ARAP2: variants seen among roughly 807,000 people sequenced by gnomAD.
ARAP2 encodes the protein ArfGAP with RhoGAP domain, ankyrin repeat and PH domain 2.
ARAP2 carries 148 observed loss-of-function variants against 194.5 expected under a neutral mutation model. The ratio of observed to expected loss-of-function variants is 0.76; its 90% CI spans 0.67 to 0.87. The LOEUF (loss-of-function observed/expected upper bound fraction) is 0.87. ARAP2 is among the 40% of genes least tolerant of loss of function. ARAP2 has a pLI of 0.00. For synonymous variants in ARAP2, 695 were observed against 683.5 expected (o/e 1.02, Z -0.26); for missense variants, 2,128 against 1,989.7 (o/e 1.07, Z -1.32).
intron 24 of ARAP2, among the ~76,000 whole-genome samples, chr4:36,117,350 C>A (rs1185647184): frequency 2.6e-5 from 4 of 151,648 alleles, no homozygotes; most frequent in Non-Finnish European, 1.5e-5. Context: ...CAACAACAAC[C>A]ACAATGATTT....
At chr4:36,144,100 A>G (rs950275303) in intron 19 of ARAP2, among the ~76,000 whole-genome samples, 1 of 151,852 alleles carries the variant, frequency 6.6e-6, no homozygotes, top group Non-Finnish European at 1.5e-5. Context: ...GAATCATTCT[A>G]ATCCATGTTT....
chr4:36,203,698 C>A (rs1004902005), intron 6 of ARAP2, among the ~76,000 whole-genome samples: 3 of 152,008 alleles, frequency 2.0e-5, no homozygotes, highest in African/African-American at 7.2e-5. Flanking sequence ...TATGGAAATA[C>A]ATTACTAAAA....
intron 5 of ARAP2, among the ~76,000 whole-genome samples, chr4:36,036,279 T>C (rs1231129246): frequency 6.6e-6 from 1 of 152,166 alleles, no homozygotes; most frequent in Admixed American, 6.6e-5. Context: ...CCGGCATGTT[T>C]ACTAGTTTAA....
chr4:36,074,786 G>A (rs759686405), intron 31 of ARAP2, among the ~76,000 whole-genome samples: 27 of 151,988 alleles, frequency 1.8e-4, no homozygotes, highest in Admixed American at 7.2e-4. Flanking sequence ...TTATTTTAAT[G>A]TGTTGCTTTA....
intron 7 of ARAP2, among the ~76,000 whole-genome samples, chr4:36,192,168 G>GTTTTTTTTT (rs569144058): frequency 2.0e-5 from 2 of 100,724 alleles, no homozygotes; most frequent in African/African-American, 4.1e-5. Context: ...CAGTGTTTCT[G>GTTTTTTTTT]TTTTTTTTTT....
intron 27 of ARAP2, 111 bp from the exon 28 acceptor site, chr4:36,092,131 C>T: frequency 1.6e-6 from 2 of 1,239,132 alleles, no homozygotes; most frequent in Non-Finnish European, 2.2e-6. Flanking sequence ...TTGTTTACTA[C>T]CGCTAAAGTC....
chr4:36,078,072 A>G (rs1339811707), intron 31 of ARAP2, among the ~76,000 whole-genome samples: 1 of 152,136 alleles, frequency 6.6e-6, no homozygotes, highest in Admixed American at 6.6e-5. Context: ...ATGGATATCC[A>G]TTTGAAATTT....
intron 1 of ARAP2, among the ~76,000 whole-genome samples, chr4:36,058,645 T>C (rs921659737): frequency 6.6e-6 from 1 of 152,200 alleles, no homozygotes; most frequent in Non-Finnish European, 1.5e-5. Flanking sequence ...TCATTGTTCT[T>C]CTTCAAGCTA....
In ARAP2 at chr4:36,148,391, T is replaced by C; in HGVS notation, c.3000+14A>G. ...CTTCTCTGGATTTAGAGCAGTAACA[T>C]AATATTTAAATACCTTGGCTATTGC... On this transcript the variant is annotated intron_variant, in intron 17 of 32. Transcript: ENST00000303965. 6.3e-7 allele frequency: 1 copy of C among 1,597,028 alleles called. No individual in the cohort carries two copies. The highest frequency in any genetic ancestry group is 8.6e-7 in the Non-Finnish European group (1 of 1,166,152).
chr4:36,147,130 G>C (rs1242804367), intron 19 of ARAP2, among the ~76,000 whole-genome samples, 166 bp downstream of exon 19: 4 of 151,926 alleles, frequency 2.6e-5, no homozygotes, highest in Non-Finnish European at 4.4e-5. Flanking sequence ...CATTGGTATA[G>C]TCTTTCCAAA....
rs1289299875 is a variant in ARAP2 at position 36,067,562 on chromosome 4, A to G, written c.*345T>C. ...AGTTTCTTAGGCTTCATTTAAACAC[A>G]GCATTTTATACAATACAGTACAGTT... is the stretch of plus-strand genomic sequence containing the variant. On this transcript the variant is annotated 3_prime_UTR_variant, in exon 33 of 33. Transcript: ENST00000303965. The G allele has an allele frequency of 6.0e-6, 1 of 166,642 alleles. No homozygotes were observed. Among genetic ancestry groups the G allele is most frequent in the Non-Finnish European group, 1.3e-5 (1 of 78,016 alleles). The allele number at this position is 166,642 out of a possible 1,614,324, so 10.3% of individuals were successfully genotyped here.
downstream of ARAP2, chr4:36,065,387 C>A: frequency 1.9e-6 from 1 of 523,494 alleles, no homozygotes; most frequent in East Asian, 5.6e-5. Flanking sequence ...GCCAGGGCCC[C>A]AGGAATGGCT....
At chr4:36,242,004 A>T (rs143944809) in intron 1 of ARAP2, among the ~76,000 whole-genome samples, 2,484 of 152,342 alleles carry the variant, frequency 0.016, 45 homozygotes, top group Middle Eastern at 0.065. Flanking sequence ...AGATCACGTG[A>T]GGAGAATACC....
intron 21 of ARAP2, 74 bp from the exon 22 acceptor site, chr4:36,125,041 T>C: frequency 2.1e-6 from 2 of 934,096 alleles, no homozygotes; most frequent in Non-Finnish European, 3.4e-6. Context: ...TCAGCAGTAT[T>C]GTAAAACAGT....
intron 2 of ARAP2, among the ~76,000 whole-genome samples, chr4:36,225,160 T>C (rs1750020630): frequency 6.6e-6 from 1 of 152,164 alleles, no homozygotes; most frequent in Admixed American, 6.6e-5. Flanking sequence ...TCCACAACAG[T>C]GCAGCTTTGC....
chr4:36,034,498 C>G lies in ARAP2; in HGVS notation n.607+11481G>C, dbSNP rs146273610. Among the ~76,000 whole-genome samples, 294 of 152,104 alleles carry G rather than the reference C, an allele frequency of 1.9e-3. 1 individual carries two copies. The highest frequency in any genetic ancestry group is 3.9e-3 in the Non-Finnish European group (263 of 68,000). ...TGATTTTTGTATATTGATTTTGTAC[C>G]CTGAAACTTTACTGAAGTTGTTTAT... On this transcript the variant is annotated intron_variant and non_coding_transcript_variant, in intron 5 of 12. Coordinates refer to the ARAP2 transcript ENST00000503225.
intron 28 of ARAP2, among the ~76,000 whole-genome samples, chr4:36,088,741 A>T (rs1393536853): frequency 1.3e-5 from 2 of 152,108 alleles, no homozygotes; most frequent in East Asian, 3.9e-4. Context: ...AGAGAAAGTA[A>T]TTAAAGCACA....
chr4:36,131,178 T>C (rs1174371993), intron 20 of ARAP2, among the ~76,000 whole-genome samples: 2 of 151,628 alleles, frequency 1.3e-5, no homozygotes, highest in African/African-American at 4.8e-5. Flanking sequence ...AAATCTTTCT[T>C]CTATATATGC....
chr4:36,119,523 T>A, intron 24 of ARAP2, 127 bp downstream of exon 24: 1 of 566,690 alleles, frequency 1.8e-6, no homozygotes, highest in Non-Finnish European at 3.0e-6. Context: ...AATTAGTTTT[T>A]TTTTTCACTC....
Sources: gnomAD v4.1 joint callset for allele counts (sites outside exome capture counted in the v4.1 genomes callset) on GRCh38, gnomAD v4.1.1 for gene constraint, MANE v1.5 for transcripts, NCBI Gene and HGNC (gene_info 2026-07-23, HGNC 2026-07-21) for gene names.